Variants in SPATA4 observed in about 807,000 individuals in gnomAD.
SPATA4 encodes the protein spermatogenesis-associated protein 4.
SPATA4 carries 35 observed loss-of-function variants against 31.8 expected under a neutral mutation model. The observed-to-expected ratio is 1.10, with a 90% CI of 0.84 to 1.46. The LOEUF (loss-of-function observed/expected upper bound fraction) is 1.46. SPATA4 is among the 40% of genes most tolerant of loss of function. The pLI, the probability that SPATA4 is intolerant of heterozygous loss-of-function variation, is 0.00. For synonymous variants in SPATA4, 126 were observed against 132.4 expected (o/e 0.95, Z 0.33); for missense variants, 394 against 363.1 (o/e 1.09, Z -0.69).
intron 2 of SPATA4, 151 bp downstream of exon 2, chr4:176,193,302 G>A (rs1752562176): frequency 1.0e-6 from 1 of 975,302 alleles, no homozygotes; most frequent in Non-Finnish European, 1.5e-6. Context: ...ATAAACAGTT[G>A]GAATTTAATA....
chr4:176,186,740 T>C (rs756368893), intron 5 of SPATA4, among the ~76,000 whole-genome samples: 2 of 152,114 alleles, frequency 1.3e-5, no homozygotes, highest in Non-Finnish European at 2.9e-5. Context: ...TGTGATCAAA[T>C]AGAGTTTGGA....
intron 5 of SPATA4, among the ~76,000 whole-genome samples, chr4:176,187,076 A>G (rs1322620061): frequency 2.6e-5 from 4 of 152,182 alleles, no homozygotes; most frequent in Non-Finnish European, 5.9e-5. Flanking sequence ...AATTTTTAGT[A>G]AAAGTGTGTC....
Position 176,195,441 on chromosome 4 carries a change from A to T in SPATA4, c.122T>A (p.Val41Asp). ...GGAGCTCTTCGGCGCATGCGGATAG[A>T]CCAGACACTTCTTAGGCCTCCCTCG... ...PIRGRPKKCL[V>D]YPHAPKSSRL... Residue 41 changes from valine to aspartate, a missense_variant, in exon 1 of 6, where the codon GTC becomes GAC. Val to Asp is a radical substitution (Grantham distance 152). Transcript: ENST00000280191. 6.2e-7 allele frequency: 1 copy of T among 1,614,226 alleles called. No homozygotes were observed.
At chr4:176,190,846 A>G (rs1752516483) in intron 4 of SPATA4, among the ~76,000 whole-genome samples, 1 of 152,062 alleles carries the variant, frequency 6.6e-6, no homozygotes, top group South Asian at 2.1e-4. Flanking sequence ...CTGCCTGAAT[A>G]AGCCAGCAAA....
Position 176,193,525 on chromosome 4 carries a change from T to C in SPATA4, c.276A>G (p.Glu92=). 6.2e-7 allele frequency: 1 copy of C among 1,613,696 alleles called. No homozygotes were observed. Among genetic ancestry groups the C allele is most frequent in the Non-Finnish European group, 8.5e-7 (1 of 1,179,900 alleles). ...AEIFCIYYPW[E]LELSSFENGT... Reference sequence around the variant, plus strand: ...CGTTTTCAAAGGATGATAATTCAAGTTCCCAGGGGTAATATATACAGAATA... The same window carrying C: ...CGTTTTCAAAGGATGATAATTCAAGCTCCCAGGGGTAATATATACAGAATA... The change falls in exon 2 of 6, where the codon GAA becomes GAG. Residue 92 remains glutamate, a synonymous_variant. Transcript: ENST00000280191.
intron 4 of SPATA4, among the ~76,000 whole-genome samples, chr4:176,189,898 T>C (rs957801811): frequency 1.1e-4 from 16 of 152,198 alleles, no homozygotes; most frequent in Admixed American, 5.9e-4. Flanking sequence ...GCAAGACCCC[T>C]GTCTCAAGAG....
chr4:176,187,215 A>AGCC (rs1369841987), intron 5 of SPATA4, among the ~76,000 whole-genome samples: 5 of 152,228 alleles, frequency 3.3e-5, no homozygotes, highest in Non-Finnish European at 7.3e-5. Flanking sequence ...GGGTCAAAGC[A>AGCC]GCCGTAAGCA....
At chr4:176,192,528 A>C (rs1752546327) in intron 4 of SPATA4, 99 bp downstream of exon 4, 5 of 915,280 alleles carry the variant, frequency 5.5e-6, no homozygotes. Context: ...CAGTTACAGA[A>C]GATAGCAAAA....
Position 176,192,814 on chromosome 4 carries a change from GA to G in SPATA4, c.500del (p.Phe167SerfsTer32). The G allele has an allele frequency of 6.2e-7, 1 of 1,613,930 alleles. No homozygotes were observed. Among genetic ancestry groups the G allele is most frequent in the Non-Finnish European group, 8.5e-7 (1 of 1,179,928 alleles). Reference sequence around the variant, plus strand: ...AACGCATCTGGTAGCTATAGTCCGTGAAATTCACAAAGTCATCCTGGATACT... The same window carrying G: ...AACGCATCTGGTAGCTATAGTCCGTGAATTCACAAAGTCATCCTGGATACT... ...IKSIQDDFVNFTDYSYQMRLP... is the reference protein window; with the variant it reads ...IKSIQDDFVNXTDYSYQMRLP... On this transcript the variant is annotated frameshift_variant, in exon 4 of 6. Coordinates refer to ENST00000280191, the MANE Select transcript of SPATA4 (RefSeq NM_144644.4). LOFTEE classifies it high-confidence loss of function.
chr4:176,184,675 C>A lies in SPATA4; in HGVS notation c.*105G>T. The A allele has an allele frequency of 3.8e-6, 2 of 533,122 alleles. No homozygotes were observed. The highest frequency in any genetic ancestry group is 9.8e-5 in the South Asian group (2 of 20,406). The allele number at this position is 533,122 out of a possible 1,614,324, so 33.0% of individuals were successfully genotyped here. On this transcript the variant is annotated 3_prime_UTR_variant, in exon 6 of 6. Transcript: ENST00000280191. Reference sequence around the variant, plus strand: ...TTTAACACAATTATGGAAAAGACACCACTCTATTTATTATTGAAATACATC... The same window carrying A: ...TTTAACACAATTATGGAAAAGACACAACTCTATTTATTATTGAAATACATC...
Position 176,193,308 on chromosome 4 carries a change from T to C in SPATA4, c.348+145A>G, listed in dbSNP as rs1015237506. The C allele has an allele frequency of 8.3e-5, 86 of 1,033,418 alleles. No individual in the cohort carries two copies. In the Admixed American group the frequency reaches 1.6e-3, roughly 19 times the overall value. The allele number at this position is 1,033,418 out of a possible 1,614,324, so 64.0% of individuals were successfully genotyped here. On this transcript the variant is annotated intron_variant, in intron 2 of 5. Coordinates refer to ENST00000280191, the MANE Select transcript of SPATA4 (RefSeq NM_144644.4). ...ACTCATGACATAAACAGTTGGAATT[T>C]AATAAACTTTGTAATACACAGGAAC... is the stretch of plus-strand genomic sequence containing the variant.
intron 5 of SPATA4, among the ~76,000 whole-genome samples, chr4:176,186,906 G>T (rs768787092): frequency 6.6e-6 from 1 of 151,626 alleles, no homozygotes; most frequent in Admixed American, 6.6e-5. Flanking sequence ...TTTTATCCCC[G>T]GCGAAATCCC....
In SPATA4 at chr4:176,188,250, C is replaced by T. The variant is rs1752476825; in HGVS notation, c.689-15G>A. 2.0e-6 allele frequency: 3 copies of T among 1,526,078 alleles called. No individual in the cohort carries two copies. Among genetic ancestry groups the T allele is most frequent in the Non-Finnish European group, 2.7e-6 (3 of 1,123,180 alleles). 94.5% of individuals were successfully genotyped at this position (1,526,078 alleles called of 1,614,324 possible). A position where few individuals can be genotyped will look rare whatever the true frequency, so the allele number is the denominator to read the frequency against. On this transcript the variant is annotated splice_polypyrimidine_tract_variant and intron_variant, in intron 4 of 5. Coordinates refer to ENST00000280191, the MANE Select transcript of SPATA4 (RefSeq NM_144644.4). Reference sequence around the variant, plus strand: ...ATCAAACCATTCTATAAAATATGAACACAAAAGTTATTTCTTAAAAAGCCA... The same window carrying T: ...ATCAAACCATTCTATAAAATATGAATACAAAAGTTATTTCTTAAAAAGCCA...
rs760533159 is a variant in SPATA4, at chr4:176,192,661, C to T, written c.654G>A (p.Met218Ile). The change falls in exon 4 of 6, where the codon ATG becomes ATA. Residue 218 changes from methionine (M) to isoleucine (I), a missense_variant. Physicochemically the swap from Met to Ile is conservative, Grantham distance 10 (BLOSUM62 1). Transcript: ENST00000280191. Reference protein sequence around the residue: ...LKAEFLILLHMLQRKLGRKLN... With the variant: ...LKAEFLILLHILQRKLGRKLN... ...ATTTTCTGCCTAATTTTCTTTGCAA[C>T]ATATGTAAAAGGATGAGGAACTCCG... 2.5e-6 allele frequency: 4 copies of T among 1,613,904 alleles called. No homozygotes were observed. The highest frequency in any genetic ancestry group is 2.7e-5 in the African/African-American group (2 of 74,910).
intron 5 of SPATA4, 26 bp from the exon 6 acceptor site, chr4:176,184,918 A>G: frequency 1.4e-6 from 2 of 1,382,814 alleles, no homozygotes; most frequent in Non-Finnish European, 2.0e-6. Context: ...AAGCAAAATT[A>G]AAATCAATTC....
intron 5 of SPATA4, among the ~76,000 whole-genome samples, chr4:176,186,001 A>G (rs1040680534): frequency 3.9e-5 from 6 of 152,208 alleles, no homozygotes. Context: ...GGAGTTATTT[A>G]TGGCCACTTA....
chr4:176,192,467 G>A (rs1267738095), intron 4 of SPATA4, among the ~76,000 whole-genome samples, 160 bp downstream of exon 4: 1 of 152,168 alleles, frequency 6.6e-6, no homozygotes, highest in African/African-American at 2.4e-5. Flanking sequence ...CCACTCCAAT[G>A]CTAATAAATC....
At chr4:176,190,747 G>A (rs778696737) in intron 4 of SPATA4, among the ~76,000 whole-genome samples, 7 of 152,122 alleles carry the variant, frequency 4.6e-5, no homozygotes, top group Non-Finnish European at 1.0e-4. Flanking sequence ...TCACACTCCA[G>A]ATCTCTTACT....
chr4:176,192,565 C>A (rs1752546937), intron 4 of SPATA4, 62 bp downstream of exon 4: 2 of 1,407,748 alleles, frequency 1.4e-6, no homozygotes, highest in South Asian at 2.4e-5. Flanking sequence ...TTTCTTTCAT[C>A]TGTGCTCAAG....
Sources: gnomAD v4.1 joint callset for allele counts (sites outside exome capture counted in the v4.1 genomes callset) on GRCh38, gnomAD v4.1.1 for gene constraint, MANE v1.5 for transcripts, NCBI Gene and HGNC (gene_info 2026-07-23, HGNC 2026-07-21) for gene names.